Variants in MACF1 observed in about 807,000 individuals in gnomAD.
The protein encoded by MACF1 is microtubule-actin cross-linking factor 1.
A neutral mutation model predicts 854.8 loss-of-function variants in MACF1; 193 were observed. The observed-to-expected ratio is 0.23, with a 90% CI of 0.20 to 0.25. The LOEUF is 0.25. Among genes scored for constraint, MACF1 ranks in the 10% least tolerant of loss-of-function variants. The pLI, the probability that MACF1 is intolerant of heterozygous loss-of-function variation, is 1.00. For synonymous variants in MACF1, 3,185 were observed against 3,226.7 expected, an observed-to-expected ratio of 0.99 and a Z score of 0.44; for missense variants, 7,722 against 8,929.1, an observed-to-expected ratio of 0.86 and a Z score of 5.45.
In MACF1 at chr1:39,304,626, C is replaced by G. The variant is rs144906876; in HGVS notation, c.2789+1548C>G. 1,277 of 546,468 alleles carry G rather than the reference C, an allele frequency of 2.3e-3. 15 individuals carry two copies. Among genetic ancestry groups the G allele is most frequent in the African/African-American group, 0.023 (1,168 of 50,900 alleles). 33.9% of individuals were successfully genotyped at this position (546,468 alleles called of 1,614,324 possible). On this transcript the variant is annotated intron_variant, in intron 23 of 100. Coordinates refer to ENST00000564288, the MANE Select transcript of MACF1 (RefSeq NM_001394062.1). The stretch of plus-strand genomic sequence containing the variant: ...TCGCTCAGGCTGGAGTGCAGTGGCA[C>G]TATTTCAGCTCACTGCAAGCTCCGC...
In MACF1 at chr1:39,295,451, A is replaced by G. The variant is rs550818544; in HGVS notation, c.2259+301A>G. On this transcript the variant is annotated intron_variant, in intron 19 of 100. Coordinates refer to ENST00000564288, the MANE Select transcript of MACF1 (RefSeq NM_001394062.1). ...AACTATCCAGACAGATCCTGACTTGACTCTTGTTGGTGTGGTGCCTTTGCC... is the reference window on the plus strand; with the variant it reads ...AACTATCCAGACAGATCCTGACTTGGCTCTTGTTGGTGTGGTGCCTTTGCC... Among the ~76,000 whole-genome samples the G allele has an allele frequency of 2.6e-5, 4 of 152,170 alleles. No individual in the cohort carries two copies. The East Asian group carries it at 5.8e-4, about 22-fold the overall frequency.
intron 2 of MACF1, among the ~76,000 whole-genome samples, chr1:39,186,206 CTCTCTCTCTGTGTGTGTGTGTG>C (rs57965360): frequency 0.014 from 808 of 57,746 alleles, 8 homozygotes; most frequent in African/African-American, 0.041. Flanking sequence ...CTCTCTCTCT[CTCTCTCTCTGTGTGTGTGTGTG>C]TGTGTGTGTG....
chr1:39,225,716 T>C (rs970701780), intron 1 of MACF1, among the ~76,000 whole-genome samples: 3 of 152,154 alleles, frequency 2.0e-5, no homozygotes, highest in East Asian at 1.9e-4. Context: ...AAAATGAATA[T>C]TGCCTTTTCT....
chr1:39,462,395 A>G (rs1775661), intron 93 of MACF1, among the ~76,000 whole-genome samples: 4 of 152,134 alleles, frequency 2.6e-5, no homozygotes, highest in South Asian at 2.1e-4. Context: ...GAAATGGTCT[A>G]CCAGTGTAGC....
intron 2 of MACF1, among the ~76,000 whole-genome samples, chr1:39,150,892 T>C (rs1643564505): frequency 6.6e-6 from 1 of 152,226 alleles, no homozygotes; most frequent in South Asian, 2.1e-4. Context: ...AGATACTTTC[T>C]AGGATTTTGT....
intron 1 of MACF1, among the ~76,000 whole-genome samples, chr1:39,228,812 T>G (rs1644746600): frequency 6.6e-6 from 1 of 152,060 alleles, no homozygotes; most frequent in Non-Finnish European, 1.5e-5. Flanking sequence ...CGCCACCATG[T>G]CCAGCTAATT....
intron 2 of MACF1, among the ~76,000 whole-genome samples, chr1:39,240,651 A>C (rs1259099537): frequency 6.6e-6 from 1 of 152,180 alleles, no homozygotes; most frequent in Non-Finnish European, 1.5e-5. Flanking sequence ...GGCATGTGCC[A>C]CCACGCCTGG....
intron 1 of MACF1, among the ~76,000 whole-genome samples, chr1:39,213,324 A>C (rs1644537910): frequency 6.6e-6 from 1 of 152,098 alleles, no homozygotes; most frequent in African/African-American, 2.4e-5. Flanking sequence ...CTACACTCAG[A>C]TAATTTATTT....
At chr1:39,415,292 T>C (rs1643246662) in intron 58 of MACF1, among the ~76,000 whole-genome samples, 1 of 151,924 alleles carries the variant, frequency 6.6e-6, no homozygotes, top group Non-Finnish European at 1.5e-5. Context: ...AAAATTGGGC[T>C]AAATGTCCTC....
chr1:39,164,709 C>T (rs1456508158), intron 2 of MACF1, among the ~76,000 whole-genome samples: 2 of 152,132 alleles, frequency 1.3e-5, no homozygotes, highest in East Asian at 3.9e-4. Context: ...ACATTGGAAC[C>T]CTGGATTGGT....
chr1:39,198,656 CA>C (rs539074566), intron 2 of MACF1, among the ~76,000 whole-genome samples: 6,385 of 75,830 alleles, frequency 0.084, 234 homozygotes, highest in East Asian at 0.18. Flanking sequence ...AACTCCGTCT[CA>C]AAAAAAAAAA....
intron 2 of MACF1, among the ~76,000 whole-genome samples, chr1:39,140,286 GT>G (rs975280503): frequency 2.6e-5 from 4 of 152,106 alleles, no homozygotes; most frequent in Non-Finnish European, 4.4e-5. Context: ...CAAATCCCAT[GT>G]TTTTTCCACC....
At chr1:39,485,258 G>C in intron 100 of MACF1, 1 of 438,354 alleles carries the variant, frequency 2.3e-6, no homozygotes, top group Non-Finnish European at 4.1e-6. Context: ...CACCTGTGCT[G>C]AGGTGGTTGA....
At chr1:39,411,865 A>G (rs759794329) in intron 58 of MACF1, 8 of 1,613,822 alleles carry the variant, frequency 5.0e-6, no homozygotes, top group Non-Finnish European at 6.8e-6. Flanking sequence ...TTATGATACT[A>G]GATTGGATTG....
intron 2 of MACF1, among the ~76,000 whole-genome samples, chr1:39,152,016 C>T (rs1187067533): frequency 1.3e-5 from 2 of 151,738 alleles, no homozygotes; most frequent in Non-Finnish European, 2.9e-5. Flanking sequence ...CTCTTGTTAC[C>T]TAGGCTGGAG....
chr1:39,290,905 C>T (rs550694337), intron 15 of MACF1, among the ~76,000 whole-genome samples: 4 of 151,806 alleles, frequency 2.6e-5, no homozygotes, highest in Non-Finnish European at 4.4e-5. Context: ...GAACTCCTGA[C>T]CTCAGGTGAT....
chr1:39,413,209 C>T, intron 58 of MACF1: 1 of 1,613,450 alleles, frequency 6.2e-7, no homozygotes, highest in South Asian at 1.1e-5. Context: ...TACCACAGTG[C>T]ATGCTCCAGA....
At chr1:39,357,306 T>G in intron 44 of MACF1, 69 bp from the exon 45 acceptor site, 1 of 1,531,922 alleles carries the variant, frequency 6.5e-7, no homozygotes, top group Non-Finnish European at 8.9e-7. Context: ...AAGTCCAGTC[T>G]TGTATACCTC....
intron 2 of MACF1, among the ~76,000 whole-genome samples, chr1:39,189,229 C>T (rs1291058440): frequency 6.6e-6 from 1 of 152,178 alleles, no homozygotes; most frequent in Non-Finnish European, 1.5e-5. Context: ...TACAATTTAC[C>T]TTGTTTCTTA....
Sources: allele counts gnomAD v4.1 joint callset (sites outside exome capture counted in the v4.1 genomes callset), GRCh38; gene constraint gnomAD v4.1.1; transcripts MANE v1.5; gene names NCBI Gene and HGNC (gene_info 2026-07-23, HGNC 2026-07-21).